RREB1: variants seen among roughly 807,000 people sequenced by gnomAD.
The protein encoded by RREB1 is ras-responsive element-binding protein 1.
In RREB1, 27 loss-of-function variants were observed where a neutral mutation model predicts 117.8. That is an observed-to-expected ratio of 0.23 (90% confidence interval 0.17 to 0.32). The LOEUF (loss-of-function observed/expected upper bound fraction) is 0.32. Among genes scored for constraint, RREB1 ranks in the 10% least tolerant of loss-of-function variants. The pLI, the probability that RREB1 is intolerant of heterozygous loss-of-function variation, is 1.00. For synonymous variants in RREB1, 1,298 were observed against 1,026.7 expected, an observed-to-expected ratio of 1.26 and a Z score of -5.05; for missense variants, 2,577 against 2,378.2, an observed-to-expected ratio of 1.08 and a Z score of -1.74.
chr6:7,158,406 C>T (rs774802078), intron 1 of RREB1, among the ~76,000 whole-genome samples: 1 of 152,160 alleles, frequency 6.6e-6, no homozygotes, highest in Non-Finnish European at 1.5e-5. Flanking sequence ...TCAGCCTACA[C>T]CCCCTACTGC....
chr6:7,242,748 A>T (rs1768794132), intron 11 of RREB1, among the ~76,000 whole-genome samples: 1 of 147,468 alleles, frequency 6.8e-6, no homozygotes, highest in African/African-American at 2.6e-5. Context: ...GGGGTTTTCT[A>T]GGCTTGTATG....
intron 1 of RREB1, among the ~76,000 whole-genome samples, chr6:7,141,480 C>T (rs1009594788): frequency 3.3e-5 from 5 of 152,168 alleles, no homozygotes; most frequent in South Asian, 2.1e-4. Context: ...CCCGCCCCCC[C>T]GCCTTTTTTG....
At position 7,230,159 on chromosome 6, in the gene RREB1, T is replaced by C; in HGVS notation, c.2060T>C (p.Ile687Thr). ...DYIAADKAAL[I>T]RHLRTHSGER... is the part of the protein sequence containing the mutation. ...ATCGCCGCCGACAAGGCCGCGCTCATCCGCCACCTGCGCACGCACAGTGGG... is the reference window on the plus strand; with the variant it reads ...ATCGCCGCCGACAAGGCCGCGCTCACCCGCCACCTGCGCACGCACAGTGGG... The change falls in exon 10 of 13, where the codon ATC becomes ACC. Residue 687 changes from isoleucine to threonine, a missense_variant. By Grantham distance (89) the Ile-to-Thr change is moderately conservative. Transcript: ENST00000379938. 1 of 1,606,524 alleles carries C rather than the reference T, an allele frequency of 6.2e-7. No individual in the cohort carries two copies. The highest frequency in any genetic ancestry group is 8.5e-7 in the Non-Finnish European group (1 of 1,179,454).
At chr6:7,145,924 A>ACCG (rs1762832046) in intron 1 of RREB1, among the ~76,000 whole-genome samples, 2 of 151,936 alleles carry the variant, frequency 1.3e-5, no homozygotes, top group Non-Finnish European at 2.9e-5. Flanking sequence ...AACAGAACAT[A>ACCG]CCGCAGAACA....
chr6:7,143,421 G>A lies in RREB1; in HGVS notation c.-284-33234G>A, dbSNP rs534231750. Among the ~76,000 whole-genome samples the A allele has an allele frequency of 4.6e-5, 7 of 152,292 alleles. No homozygotes were observed. In the East Asian group the frequency reaches 1.2e-3, roughly 25 times the overall value. ...GACTATGCGTTTTGTGGTGCTGAAT[G>A]TTTTCTTAAACCAAGAAGGGTGTGG... On this transcript the variant is annotated intron_variant, in intron 1 of 12. Transcript: ENST00000379938.
At chr6:7,244,084 G>A (rs1462321022) in intron 11 of RREB1, among the ~76,000 whole-genome samples, 2 of 152,004 alleles carry the variant, frequency 1.3e-5, no homozygotes, top group Non-Finnish European at 2.9e-5. Context: ...CCAACATGGT[G>A]AAACCCTGTC....
At chr6:7,121,922 G>C (rs1449349780) in intron 1 of RREB1, among the ~76,000 whole-genome samples, 1 of 152,146 alleles carries the variant, frequency 6.6e-6, no homozygotes, top group African/African-American at 2.4e-5. Flanking sequence ...ACTTCCATCA[G>C]GGTGTGCTCC....
Position 7,248,790 on chromosome 6 carries a change from G to A in RREB1, c.5051G>A (p.Cys1684Tyr), listed in dbSNP as rs1769267163. Residue 1684 changes from cysteine (C) to tyrosine (Y), a missense_variant, in exon 13 of 13, where the codon TGC (cysteine) becomes TAC (tyrosine). By Grantham distance (194) the Cys-to-Tyr change is radical. Transcript: ENST00000379938. ...GGCTTGGCCAGTGCCACCAAGGACT[G>A]CAGCCACAGGGAGGAGAAGGTCACG... ...KEGLASATKD[C>Y]SHREEKVTAG... is the part of the protein sequence containing the mutation. The A allele has an allele frequency of 4.3e-6, 7 of 1,613,958 alleles. No homozygotes were observed. Among genetic ancestry groups the A allele is most frequent in the Non-Finnish European group, 5.9e-6 (7 of 1,179,974 alleles).
At chr6:7,153,019 T>A (rs180705871) in intron 1 of RREB1, among the ~76,000 whole-genome samples, 270 of 152,136 alleles carry the variant, frequency 1.8e-3, no homozygotes, top group African/African-American at 6.3e-3. Context: ...TTTGTAGTCT[T>A]AAGTTGTTAA....
Position 7,230,586 on chromosome 6 carries a change from CG to C in RREB1, c.2489del (p.Gly830AlafsTer83). On this transcript the variant is annotated frameshift_variant, in exon 10 of 13. Coordinates refer to ENST00000379938, the MANE Select transcript of RREB1 (RefSeq NM_001003699.4). LOFTEE classifies it high-confidence loss of function. ...DIESYVLAADGLGPAEAPAAE... is the reference protein window; with the variant it reads ...DIESYVLAADXLGPAEAPAAE... ...TCGAGAGCTACGTGCTGGCCGCCGA[CG>C]GCCTGGGCCCCGCAGAGGCGCCGGC... 1 of 1,603,408 alleles carries C rather than the reference CG, an allele frequency of 6.2e-7. No individual in the cohort carries two copies. The highest frequency in any genetic ancestry group is 8.5e-7 in the Non-Finnish European group (1 of 1,175,858).
chr6:7,176,934 A>G lies in RREB1; in HGVS notation c.-166+161A>G, dbSNP rs1340078338. On this transcript the variant is annotated intron_variant, in intron 2 of 12. Coordinates refer to ENST00000379938, the MANE Select transcript of RREB1 (RefSeq NM_001003699.4). ...GCAAAATCGTGTTGAAATTGTAACT[A>G]GGCCAGACATGGTGGCTCACACCTA... Among the ~76,000 whole-genome samples, 5 of 152,008 alleles carry G rather than the reference A, an allele frequency of 3.3e-5. No individual in the cohort carries two copies. In the East Asian group the frequency reaches 7.7e-4, roughly 23 times the overall value.
intron 11 of RREB1, among the ~76,000 whole-genome samples, chr6:7,244,929 T>C (rs139059247): frequency 1.3e-5 from 2 of 152,290 alleles, no homozygotes; most frequent in East Asian, 1.9e-4. Flanking sequence ...AGGTTGACAT[T>C]GTAGTTACAC....
chr6:7,210,729 A>T lies in RREB1; in HGVS notation c.426-75A>T, dbSNP rs1766530817. ...AAGAAAATTTAAGTACCAGTGCCTA[A>T]ATATAAAATATTAAAAACATAAATG... On this transcript the variant is annotated intron_variant, in intron 6 of 12. Transcript: ENST00000379938. 14 of 1,396,710 alleles carry T rather than the reference A, an allele frequency of 1.0e-5. No homozygotes were observed. The Admixed American group carries it at 3.1e-4, about 31-fold the overall frequency. The allele number at this position is 1,396,710 out of a possible 1,614,324, so 86.5% of individuals were successfully genotyped here.
intron 10 of RREB1, among the ~76,000 whole-genome samples, chr6:7,236,875 T>C (rs1013978350): frequency 4.0e-5 from 6 of 150,060 alleles, no homozygotes; most frequent in Admixed American, 1.3e-4. Flanking sequence ...TTTTTTTTGT[T>C]TGTTTTTGGA....
At chr6:7,243,306 T>C (rs1561806600) in intron 11 of RREB1, among the ~76,000 whole-genome samples, 1 of 152,242 alleles carries the variant, frequency 6.6e-6, no homozygotes, top group Admixed American at 6.5e-5. Context: ...TTGAGCTGAC[T>C]AGGGCTGTCT....
Position 7,231,417 on chromosome 6 carries a change from T to C in RREB1, c.3318T>C (p.Gly1106=). Residue 1106 remains glycine (G), a synonymous_variant, in exon 10 of 13, where the codon GGT becomes GGC. Coordinates refer to ENST00000379938, the MANE Select transcript of RREB1 (RefSeq NM_001003699.4). ...SNTTASDSLG[G]SVPKAATTAT... ...CCACGGCTTCAGACAGCTTAGGAGGTTCTGTCCCCAAAGCCGCCACCACCG... is the reference window on the plus strand; with the variant it reads ...CCACGGCTTCAGACAGCTTAGGAGGCTCTGTCCCCAAAGCCGCCACCACCG... The C allele has an allele frequency of 6.2e-7, 1 of 1,611,884 alleles. No homozygotes were observed.
At chr6:7,182,164 A>G in intron 4 of RREB1, 82 bp downstream of exon 4, 2 of 1,286,676 alleles carry the variant, frequency 1.6e-6, no homozygotes, top group South Asian at 2.8e-5. Context: ...TTCCTATGAT[A>G]AAACCTTGGA....
In RREB1 at chr6:7,156,786, C is replaced by G. The variant is rs527946123; in HGVS notation, c.-284-19869C>G. Among the ~76,000 whole-genome samples the G allele has an allele frequency of 1.9e-4, 29 of 152,338 alleles. No individual in the cohort carries two copies. In the South Asian group the frequency reaches 6.0e-3, roughly 32 times the overall value. The stretch of plus-strand genomic sequence containing the variant: ...AAATAAGACAATCTTAGTTTTCCTT[C>G]CTTCTCCTTAGCCAGCCATCCAGCG... On this transcript the variant is annotated intron_variant, in intron 1 of 12. Coordinates refer to ENST00000379938, the MANE Select transcript of RREB1 (RefSeq NM_001003699.4).
At chr6:7,221,529 G>A (rs1158433606) in intron 8 of RREB1, among the ~76,000 whole-genome samples, 1 of 152,198 alleles carries the variant, frequency 6.6e-6, no homozygotes, top group Non-Finnish European at 1.5e-5. Context: ...CATGCTTCTG[G>A]TTTCAAAGCA....
Sources: allele counts gnomAD v4.1 joint callset (sites outside exome capture counted in the v4.1 genomes callset), GRCh38; gene constraint gnomAD v4.1.1; transcripts MANE v1.5; gene names NCBI Gene and HGNC (gene_info 2026-07-23, HGNC 2026-07-21).